Variants in MIGA1 observed in about 807,000 individuals in gnomAD.
The protein encoded by MIGA1 is family with sequence similarity 73, member A.
A neutral mutation model predicts 82.0 loss-of-function variants in MIGA1; 58 were observed. The observed-to-expected ratio is 0.71, with a 90% CI of 0.57 to 0.88. The LOEUF (loss-of-function observed/expected upper bound fraction) is 0.88. Ranked by LOEUF, MIGA1 falls within the 40% of genes least tolerant of loss-of-function variation. The pLI, the probability that MIGA1 is intolerant of heterozygous loss-of-function variation, is 0.00. For synonymous variants in MIGA1, 249 were observed against 253.6 expected (o/e 0.98, Z 0.17); for missense variants, 751 against 749.1 (o/e 1.00, Z -0.03).
chr1:77,862,154 A>G (rs1312504805), intron 12 of MIGA1: 7 of 138,764 alleles, frequency 5.0e-5, no homozygotes, highest in African/African-American at 8.4e-5. Flanking sequence ...AAATATATAG[A>G]TATAGATATT....
intron 1 of MIGA1, among the ~76,000 whole-genome samples, chr1:77,780,459 T>A (rs961575515): frequency 6.6e-6 from 1 of 152,264 alleles, no homozygotes; most frequent in Non-Finnish European, 1.5e-5. Flanking sequence ...ACATGTTTGC[T>A]CTGTTCAAAG....
Position 77,876,730 on chromosome 1 carries a change from A to G in MIGA1, c.*1666A>G, listed in dbSNP as rs868104671. 5.3e-5 allele frequency: 8 copies of G among 152,346 alleles called. No individual in the cohort carries two copies. In the South Asian group the frequency reaches 1.2e-3, roughly 24 times the overall value. 9.4% of individuals were successfully genotyped at this position (152,346 alleles called of 1,614,324 possible). ...TAAAGAAGAGTTTTTTCCTCCCTGGAATGTAAAACAAAAATATTTTTTAAT... is the reference window on the plus strand; with the variant it reads ...TAAAGAAGAGTTTTTTCCTCCCTGGGATGTAAAACAAAAATATTTTTTAAT... On this transcript the variant is annotated 3_prime_UTR_variant, in exon 16 of 16. Transcript: ENST00000370791.
intron 6 of MIGA1, 107 bp from the exon 7 acceptor site, chr1:77,815,001 T>G: frequency 1.3e-6 from 1 of 773,242 alleles, no homozygotes; most frequent in Non-Finnish European, 1.8e-6. Flanking sequence ...CTCAGTTGTT[T>G]TTTTATATTA....
Position 77,874,891 on chromosome 1 carries a change from G to T in MIGA1, c.1726G>T (p.Val576Leu). ...CAAAGACATTTTTGACTTTGAGAAG[G>T]TGCGCTATTCAAGTACAGAGACTTT... Residue 576 changes from valine to leucine, a missense_variant, in exon 16 of 16, where the codon GTG becomes TTG. Val to Leu is a conservative substitution (Grantham distance 32). Around this residue, in one of 3 missense-constraint regions of MIGA1, gnomAD observed 265 missense variants for 293.6 expected, o/e 0.90. Coordinates refer to ENST00000370791, the MANE Select transcript of MIGA1 (RefSeq NM_198549.4). The T allele has an allele frequency of 1.2e-6, 2 of 1,614,036 alleles. No individual in the cohort carries two copies. Among genetic ancestry groups the T allele is most frequent in the Non-Finnish European group, 1.7e-6 (2 of 1,179,986 alleles).
chr1:77,856,105 G>C (rs530265782), intron 8 of MIGA1, among the ~76,000 whole-genome samples: 7 of 152,130 alleles, frequency 4.6e-5, no homozygotes, highest in Non-Finnish European at 1.0e-4. Flanking sequence ...ATCATAAAGG[G>C]ATGCTGGATT....
At chr1:77,784,213 AT>A (rs1682047839) in intron 2 of MIGA1, among the ~76,000 whole-genome samples, 1 of 152,120 alleles carries the variant, frequency 6.6e-6, no homozygotes, top group South Asian at 2.1e-4. Context: ...TTTTAATTAA[AT>A]TTATTTATTT....
At chr1:77,779,842 C>G (rs534330090) in intron 1 of MIGA1, 106 bp downstream of exon 1, 7 of 1,436,672 alleles carry the variant, frequency 4.9e-6, no homozygotes, top group South Asian at 4.3e-5. Context: ...GTGGCGCGGA[C>G]TCCATCGCTG....
chr1:77,805,291 G>A (rs920495395), intron 4 of MIGA1, among the ~76,000 whole-genome samples: 3 of 151,756 alleles, frequency 2.0e-5, no homozygotes, highest in Non-Finnish European at 4.4e-5. Flanking sequence ...CACCACACCC[G>A]GTCCCTTGCT....
intron 8 of MIGA1, among the ~76,000 whole-genome samples, chr1:77,850,996 A>C (rs1213315618): frequency 6.6e-6 from 1 of 151,966 alleles, no homozygotes; most frequent in Non-Finnish European, 1.5e-5. Flanking sequence ...CAGCCTCCCA[A>C]GTAGCTGGGA....
chr1:77,864,481 G>T (rs997903789), intron 13 of MIGA1, among the ~76,000 whole-genome samples: 1 of 151,656 alleles, frequency 6.6e-6, no homozygotes, highest in African/African-American at 2.4e-5. Context: ...TTCGAGACCA[G>T]CCTGGCCAAC....
chr1:77,811,531 T>G (rs1195449918), intron 5 of MIGA1: 3 of 1,599,242 alleles, frequency 1.9e-6, no homozygotes, highest in East Asian at 2.2e-5. Flanking sequence ...TTTAAATTCT[T>G]CTTGAGACTG....
chr1:77,800,553 C>G (rs1337751528), intron 2 of MIGA1, among the ~76,000 whole-genome samples: 1 of 152,162 alleles, frequency 6.6e-6, no homozygotes, highest in Non-Finnish European at 1.5e-5. Context: ...AGTTCCTTTG[C>G]TTTTAGGTAT....
At chr1:77,850,794 G>A (rs1428898347) in intron 8 of MIGA1, among the ~76,000 whole-genome samples, 1 of 151,956 alleles carries the variant, frequency 6.6e-6, no homozygotes, top group African/African-American at 2.4e-5. Flanking sequence ...TTCATATGTG[G>A]GAATTATCTA....
intron 3 of MIGA1, among the ~76,000 whole-genome samples, chr1:77,802,193 G>C (rs1302721697): frequency 6.6e-6 from 1 of 152,112 alleles, no homozygotes; most frequent in African/African-American, 2.4e-5. Context: ...TGAGTCATCT[G>C]TCCAGCATAC....
chr1:77,873,254 C>A, intron 15 of MIGA1, 134 bp downstream of exon 15: 1 of 874,666 alleles, frequency 1.1e-6, no homozygotes, highest in Non-Finnish European at 1.7e-6. Context: ...CACCTAAATT[C>A]AGCATTTAAA....
At chr1:77,856,748 T>A (rs915200342) in intron 8 of MIGA1, among the ~76,000 whole-genome samples, 1 of 152,182 alleles carries the variant, frequency 6.6e-6, no homozygotes, top group African/African-American at 2.4e-5. Context: ...TTAGTGAGGT[T>A]ATTGGGATTT....
chr1:77,840,766 C>G (rs938612107), intron 7 of MIGA1, among the ~76,000 whole-genome samples: 1 of 151,910 alleles, frequency 6.6e-6, no homozygotes, highest in Non-Finnish European at 1.5e-5. Flanking sequence ...GAGCCAAGGT[C>G]GCGCCATTGC....
chr1:77,840,665 A>T (rs1684596099), intron 7 of MIGA1, among the ~76,000 whole-genome samples: 1 of 152,086 alleles, frequency 6.6e-6, no homozygotes. Flanking sequence ...ATACAAAATT[A>T]GCCGGGCGTG....
intron 7 of MIGA1, among the ~76,000 whole-genome samples, chr1:77,820,424 T>A (rs1296077610): frequency 6.6e-6 from 1 of 152,164 alleles, no homozygotes; most frequent in Non-Finnish European, 1.5e-5. Context: ...TCTGTGTGAT[T>A]ATAAAACCTG....
Sources: allele counts gnomAD v4.1 joint callset (sites outside exome capture counted in the v4.1 genomes callset), GRCh38; gene constraint gnomAD v4.1.1; regional missense constraint gnomAD v4.1.1; transcripts MANE v1.5; gene names NCBI Gene and HGNC (gene_info 2026-07-23, HGNC 2026-07-21).